Variants in CLSTN2 observed in about 807,000 individuals in gnomAD.
CLSTN2 encodes the protein calsyntenin-2.
CLSTN2 carries 48 observed loss-of-function variants against 101.2 expected under a neutral mutation model. That is an observed-to-expected ratio of 0.47 (90% confidence interval 0.38 to 0.60). The LOEUF is 0.60. Ranked by LOEUF, CLSTN2 falls within the 20% of genes least tolerant of loss-of-function variation. CLSTN2 has a pLI of 0.00. For missense variants in CLSTN2, 1,160 were observed against 1,238.2 expected, an observed-to-expected ratio of 0.94 and a Z score of 0.95; for synonymous variants, 481 against 463.6, an observed-to-expected ratio of 1.04 and a Z score of -0.48.
chr3:140,084,399 C>G (rs1037918005), intron 1 of CLSTN2, among the ~76,000 whole-genome samples: 1 of 152,150 alleles, frequency 6.6e-6, no homozygotes, highest in Non-Finnish European at 1.5e-5. Flanking sequence ...GACCTTAACC[C>G]CCTGTATGAG....
Position 140,240,174 on chromosome 3 carries a change from C to CTCTCTCTCTA in CLSTN2, c.232+64102_232+64103insCTCTCTCTAT, listed in dbSNP as rs1311225528. 3.2e-3 allele frequency among the ~76,000 whole-genome samples: 42 copies of CTCTCTCTCTA among 13,292 alleles called. 3 individuals are homozygous for CTCTCTCTCTA. Among genetic ancestry groups the CTCTCTCTCTA allele is most frequent in the Non-Finnish European group, 0.01 (28 of 2,788 alleles). 8.7% of individuals were successfully genotyped at this position (13,292 alleles called of 152,430 possible). On this transcript the variant is annotated intron_variant, in intron 2 of 16. Coordinates refer to ENST00000458420, the MANE Select transcript of CLSTN2 (RefSeq NM_022131.3). ...TCTGTCTCTCTCTCTCTCTCTCTCT[C>CTCTCTCTCTA]TATATATATATATATATATATATAT...
chr3:140,539,843 GC>G (rs1452121242), intron 9 of CLSTN2, among the ~76,000 whole-genome samples: 1 of 152,194 alleles, frequency 6.6e-6, no homozygotes, highest in African/African-American at 2.4e-5. Flanking sequence ...TGCCACCAAA[GC>G]CCTCGCCCCT....
intron 8 of CLSTN2, among the ~76,000 whole-genome samples, chr3:140,474,129 G>A (rs1302051549): frequency 6.6e-6 from 1 of 152,122 alleles, no homozygotes; most frequent in Admixed American, 6.5e-5. Context: ...AGCAGCAATA[G>A]GAAACTAATA....
intron 2 of CLSTN2, among the ~76,000 whole-genome samples, chr3:140,356,511 G>A (rs1277598755): frequency 6.6e-6 from 1 of 152,060 alleles, no homozygotes; most frequent in Non-Finnish European, 1.5e-5. Flanking sequence ...TGTAATCCCA[G>A]CACTTAGGGA....
intron 2 of CLSTN2, among the ~76,000 whole-genome samples, chr3:140,362,077 C>T (rs539199816): frequency 1.3e-3 from 191 of 152,216 alleles, no homozygotes; most frequent in Non-Finnish European, 2.4e-3. Context: ...TGCTATAAAT[C>T]GACAGTAATC....
chr3:140,148,388 C>A (rs1239531928), intron 1 of CLSTN2, among the ~76,000 whole-genome samples: 2 of 152,290 alleles, frequency 1.3e-5, no homozygotes, highest in Non-Finnish European at 2.9e-5. Flanking sequence ...TATGTTCAAC[C>A]ATTTTTTTGT....
chr3:140,193,959 A>G (rs982664625), intron 2 of CLSTN2, among the ~76,000 whole-genome samples: 7 of 152,120 alleles, frequency 4.6e-5, no homozygotes, highest in African/African-American at 1.7e-4. Flanking sequence ...TTGTAGTTGC[A>G]AAGTGTCCAT....
At chr3:140,015,551 AG>A (rs2007182465) in intron 1 of CLSTN2, among the ~76,000 whole-genome samples, 2 of 152,224 alleles carry the variant, frequency 1.3e-5, no homozygotes, top group African/African-American at 4.8e-5. Flanking sequence ...AGAAGAAAAA[AG>A]CAAGAAGGAC....
intron 4 of CLSTN2, among the ~76,000 whole-genome samples, chr3:140,405,559 T>A (rs548491920): frequency 5.6e-5 from 5 of 89,442 alleles, no homozygotes; most frequent in African/African-American, 1.4e-4. Context: ...CTTGCCAGTG[T>A]CCTTTTGAGA....
intron 2 of CLSTN2, among the ~76,000 whole-genome samples, chr3:140,284,305 G>T (rs2086876684): frequency 6.6e-6 from 1 of 152,076 alleles, no homozygotes; most frequent in Admixed American, 6.6e-5. Flanking sequence ...AAAAAGCACT[G>T]TGCTGGGACT....
intron 2 of CLSTN2, among the ~76,000 whole-genome samples, chr3:140,232,565 T>C (rs977038948): frequency 6.6e-6 from 1 of 152,078 alleles, no homozygotes; most frequent in Non-Finnish European, 1.5e-5. Flanking sequence ...AATCCCAACC[T>C]CCTGCCCAGA....
intron 8 of CLSTN2, among the ~76,000 whole-genome samples, chr3:140,517,415 T>G (rs1459752843): frequency 6.6e-6 from 1 of 152,192 alleles, no homozygotes; most frequent in Non-Finnish European, 1.5e-5. Flanking sequence ...TTACCAGAAT[T>G]GTTTTTCTGG....
chr3:140,109,154 T>A (rs1247583438), intron 1 of CLSTN2, among the ~76,000 whole-genome samples: 1 of 152,196 alleles, frequency 6.6e-6, no homozygotes, highest in African/African-American at 2.4e-5. Context: ...ATGTTACACA[T>A]GGAAACGTCT....
intron 6 of CLSTN2, among the ~76,000 whole-genome samples, chr3:140,456,978 A>T (rs78492984): frequency 1.3e-5 from 2 of 152,062 alleles, no homozygotes; most frequent in African/African-American, 2.4e-5. Flanking sequence ...ATATATCCAA[A>T]CCTGTTTGGA....
chr3:140,433,447 A>G (rs906896406), intron 5 of CLSTN2, among the ~76,000 whole-genome samples: 2 of 152,222 alleles, frequency 1.3e-5, no homozygotes, highest in Non-Finnish European at 2.9e-5. Context: ...TCATCTCCCC[A>G]TGGACCTGGG....
At chr3:140,016,883 T>C (rs1490528017) in intron 1 of CLSTN2, among the ~76,000 whole-genome samples, 1 of 152,044 alleles carries the variant, frequency 6.6e-6, no homozygotes, top group Non-Finnish European at 1.5e-5. Context: ...AATCAACTGT[T>C]TATGTTATCT....
chr3:140,055,803 C>T (rs2008085477), intron 1 of CLSTN2, among the ~76,000 whole-genome samples: 1 of 152,170 alleles, frequency 6.6e-6, no homozygotes, highest in South Asian at 2.1e-4. Flanking sequence ...ATCAGTCTCC[C>T]AGTCCCAGTC....
intron 2 of CLSTN2, among the ~76,000 whole-genome samples, chr3:140,290,466 G>A (rs898722410): frequency 2.0e-5 from 3 of 152,136 alleles, no homozygotes; most frequent in African/African-American, 4.8e-5. Flanking sequence ...CTTAGATGGG[G>A]TGCCCTTTGA....
At chr3:140,059,460 TA>T (rs558856355) in intron 1 of CLSTN2, among the ~76,000 whole-genome samples, 134 of 151,504 alleles carry the variant, frequency 8.8e-4, no homozygotes, top group African/African-American at 3.2e-3. Flanking sequence ...CTGATGGAGC[TA>T]AAAGTGCTGA....
Sources: allele counts gnomAD v4.1 joint callset (sites outside exome capture counted in the v4.1 genomes callset), GRCh38; gene constraint gnomAD v4.1.1; transcripts MANE v1.5; gene names NCBI Gene and HGNC (gene_info 2026-07-23, HGNC 2026-07-21).